Variants in NALCN observed in about 807,000 individuals in gnomAD.
The protein encoded by NALCN is sodium leak channel NALCN.
Under a neutral mutation model 225.3 loss-of-function variants are expected in NALCN, and 111 were observed. That is an observed-to-expected ratio of 0.49 (90% confidence interval 0.42 to 0.58). The LOEUF is 0.58. NALCN is among the 20% of genes least tolerant of loss of function. The pLI is 0.00. For synonymous variants in NALCN, 764 were observed against 769.0 expected (o/e 0.99, Z 0.11); for missense variants, 1,378 against 2,202.4 (o/e 0.63, Z 7.49).
At position 101,190,323 on chromosome 13, in the gene NALCN, T is replaced by C. The variant is rs185328223; in HGVS notation, c.1764+1594A>G. ...ACAATCAACAGTCTGAGCAATTCCA[T>C]AGTTTTAGAGTAACTTAAACACAAG... On this transcript the variant is annotated intron_variant, in intron 14 of 43. Coordinates refer to ENST00000251127, the MANE Select transcript of NALCN (RefSeq NM_052867.4). 2.7e-3 allele frequency among the ~76,000 whole-genome samples: 410 copies of C among 152,310 alleles called. 3 individuals carry two copies. The highest frequency in any genetic ancestry group is 6.8e-3 in the Middle Eastern group (2 of 294).
intron 18 of NALCN, 42 bp downstream of exon 18, chr13:101,124,566 C>G (rs537962878): frequency 6.6e-7 from 1 of 1,523,912 alleles, no homozygotes; most frequent in African/African-American, 1.4e-5. Flanking sequence ...TTAATATAAT[C>G]CCACTTGTGT....
chr13:101,365,574 C>CA (rs10628196), intron 6 of NALCN, among the ~76,000 whole-genome samples: 8,501 of 151,798 alleles, frequency 0.056, 807 homozygotes, highest in African/African-American at 0.19. Flanking sequence ...GAGCAAACTG[C>CA]AAAAAAATCC....
At chr13:101,382,932 G>C (rs1233381578) in intron 3 of NALCN, among the ~76,000 whole-genome samples, 1 of 152,066 alleles carries the variant, frequency 6.6e-6, no homozygotes, top group African/African-American at 2.4e-5. Flanking sequence ...AGTGAAGTAT[G>C]GAAATAATCC....
At chr13:101,319,570 G>T (rs2044673614) in intron 7 of NALCN, among the ~76,000 whole-genome samples, 1 of 152,064 alleles carries the variant, frequency 6.6e-6, no homozygotes, top group African/African-American at 2.4e-5. Flanking sequence ...CGTAAACCAT[G>T]ATTTTGAAGT....
At chr13:101,220,786 A>G (rs895541259) in intron 13 of NALCN, among the ~76,000 whole-genome samples, 3 of 152,226 alleles carry the variant, frequency 2.0e-5, no homozygotes, top group African/African-American at 7.2e-5. Context: ...ATGGATCTAA[A>G]AAGCAGCCTT....
rs750683934 is a variant in NALCN, at chr13:101,111,232, A to G, written c.2193-6T>C. On this transcript the variant is annotated splice_region_variant and splice_polypyrimidine_tract_variant and intron_variant, in intron 18 of 43. Coordinates refer to ENST00000251127, the MANE Select transcript of NALCN (RefSeq NM_052867.4). ...TGCGCTGTCGGGTGCAAGCTCTAGGAAAAAAAAAGGAGCCCAAGATAAATG... is the reference window on the plus strand; with the variant it reads ...TGCGCTGTCGGGTGCAAGCTCTAGGGAAAAAAAAGGAGCCCAAGATAAATG... 53 of 1,520,050 alleles carry G rather than the reference A, an allele frequency of 3.5e-5. No individual in the cohort carries two copies. The highest frequency in any genetic ancestry group is 1.7e-4 in the Middle Eastern group (1 of 5,822). The allele number at this position is 1,520,050 out of a possible 1,614,324, so 94.2% of individuals were successfully genotyped here. A position where few individuals can be genotyped will look rare whatever the true frequency, so the allele number is the denominator to read the frequency against.
intron 20 of NALCN, among the ~76,000 whole-genome samples, chr13:101,109,903 A>G (rs932392316): frequency 6.6e-6 from 1 of 152,284 alleles, no homozygotes; most frequent in Admixed American, 6.5e-5. Flanking sequence ...ACTTTACATT[A>G]TAAAGCAAAT....
At chr13:101,116,506 C>G (rs1404342907) in intron 18 of NALCN, 3 of 517,136 alleles carry the variant, frequency 5.8e-6, no homozygotes, top group Non-Finnish European at 1.2e-5. Context: ...GACACAGTAG[C>G]AGGGGGTCCC....
chr13:101,228,187 C>T (rs935294500), intron 13 of NALCN, among the ~76,000 whole-genome samples: 6 of 151,990 alleles, frequency 3.9e-5, no homozygotes, highest in African/African-American at 1.2e-4. Context: ...GAAGAATCTG[C>T]ATTATAAAAG....
At chr13:101,229,638 G>T in intron 12 of NALCN, 54 bp from the exon 13 acceptor site, 1 of 1,336,414 alleles carries the variant, frequency 7.5e-7, no homozygotes, top group South Asian at 1.8e-5. Flanking sequence ...TATTTACACT[G>T]AATCTTAAAT....
chr13:101,396,918 G>T (rs185521894), intron 2 of NALCN, among the ~76,000 whole-genome samples: 12 of 151,562 alleles, frequency 7.9e-5, no homozygotes, highest in African/African-American at 2.9e-4. Flanking sequence ...AAAGTTAGGG[G>T]TGCTTCATTC....
chr13:101,321,828 C>G (rs2044755682), intron 7 of NALCN, among the ~76,000 whole-genome samples: 1 of 151,980 alleles, frequency 6.6e-6, no homozygotes, highest in South Asian at 2.1e-4. Flanking sequence ...ATACATTAAA[C>G]TCATAATAAT....
Position 101,104,203 on chromosome 13 carries a change from T to C in NALCN, c.2889+92A>G. 2 of 1,468,016 alleles carry C rather than the reference T, an allele frequency of 1.4e-6. No homozygotes were observed. The highest frequency in any genetic ancestry group is 1.4e-5 in the African/African-American group (1 of 70,768). 90.9% of individuals were successfully genotyped at this position (1,468,016 alleles called of 1,614,324 possible). ...AATTCGGTTAGGGAATCTAAGCCTC[T>C]GTAACTCATACCTCTTGCGCTTATA... On this transcript the variant is annotated intron_variant, in intron 25 of 43. Coordinates refer to ENST00000251127, the MANE Select transcript of NALCN (RefSeq NM_052867.4). The surrounding 1 kb of genome is among the most constrained non-coding windows in gnomAD (Gnocchi z 4.2).
intron 7 of NALCN, among the ~76,000 whole-genome samples, chr13:101,322,609 C>T (rs1362907617): frequency 6.6e-6 from 1 of 152,178 alleles, no homozygotes; most frequent in South Asian, 2.1e-4. Context: ...TGTTTAGTTT[C>T]ATCTCTAACC....
intron 13 of NALCN, among the ~76,000 whole-genome samples, chr13:101,202,387 T>C (rs2040156805): frequency 6.6e-6 from 1 of 152,188 alleles, no homozygotes; most frequent in Admixed American, 6.5e-5. Flanking sequence ...AAGCCACAAC[T>C]TACTATGGCT....
At chr13:101,147,461 G>A (rs2037408548) in intron 15 of NALCN, among the ~76,000 whole-genome samples, 1 of 150,138 alleles carries the variant, frequency 6.7e-6, no homozygotes, top group Admixed American at 6.7e-5. Context: ...TCAAGCCTCA[G>A]TTTCCTGAGT....
intron 14 of NALCN, among the ~76,000 whole-genome samples, chr13:101,188,003 G>C (rs1266074691): frequency 1.3e-4 from 20 of 152,130 alleles, no homozygotes; most frequent in Admixed American, 1.3e-3. Flanking sequence ...CCCTAGTATA[G>C]AGCAATTTGG....
At chr13:101,227,143 C>T (rs937102635) in intron 13 of NALCN, among the ~76,000 whole-genome samples, 2 of 152,142 alleles carry the variant, frequency 1.3e-5, no homozygotes, top group Admixed American at 6.5e-5. Context: ...GGCTTGCTGT[C>T]CTGAGGATCA....
intron 7 of NALCN, among the ~76,000 whole-genome samples, chr13:101,311,675 T>C (rs960124237): frequency 2.0e-5 from 3 of 152,198 alleles, no homozygotes; most frequent in African/African-American, 7.2e-5. Context: ...TTGATTTGCG[T>C]ATGTTGAACC....
Sources: gnomAD v4.1 joint callset for allele counts (sites outside exome capture counted in the v4.1 genomes callset) on GRCh38, gnomAD v4.1.1 for gene constraint, Gnocchi (gnomAD v3.1) non-coding constraint, MANE v1.5 for transcripts, NCBI Gene and HGNC (gene_info 2026-07-23, HGNC 2026-07-21) for gene names.